MYO3A: variants seen among roughly 807,000 people sequenced by gnomAD.
MYO3A encodes the protein myosin IIIA.
MYO3A carries 180 observed loss-of-function variants against 192.7 expected under a neutral mutation model. That is an observed-to-expected ratio of 0.93 (90% CI 0.83 to 1.06). The LOEUF is 1.06. Ranked by LOEUF, MYO3A falls within the 50% of genes least tolerant of loss-of-function variation. The probability of loss-of-function intolerance (pLI) is 0.00; values close to 1 mark genes in which losing one functional copy is unlikely to be tolerated. For synonymous variants in MYO3A, 628 were observed against 645.3 expected (o/e 0.97, Z 0.41); for missense variants, 1,896 against 1,905.0 (o/e 1.00, Z 0.09).
intron 31 of MYO3A, among the ~76,000 whole-genome samples, chr10:26,178,690 C>G (rs968294824): frequency 1.3e-5 from 2 of 152,154 alleles, no homozygotes; most frequent in Non-Finnish European, 2.9e-5. Context: ...CATCTGTTTT[C>G]AAAAGGGAAC....
intron 10 of MYO3A, among the ~76,000 whole-genome samples, chr10:26,049,826 C>T (rs930737448): frequency 4.0e-5 from 6 of 151,802 alleles, no homozygotes; most frequent in Admixed American, 2.6e-4. Context: ...CAGGCACCCA[C>T]CACCGCGCTC....
intron 23 of MYO3A, among the ~76,000 whole-genome samples, chr10:26,148,207 C>T (rs1239494536): frequency 2.0e-5 from 3 of 152,056 alleles, no homozygotes; most frequent in Admixed American, 2.0e-4. Context: ...TTCTCATGAC[C>T]CTTTATAATC....
At chr10:26,042,357 T>C (rs973497393) in intron 10 of MYO3A, among the ~76,000 whole-genome samples, 1 of 152,164 alleles carries the variant, frequency 6.6e-6, no homozygotes, top group Non-Finnish European at 1.5e-5. Context: ...GACATTGATA[T>C]CTTTTTCTAG....
intron 31 of MYO3A, among the ~76,000 whole-genome samples, chr10:26,192,175 T>A (rs1314768296): frequency 6.6e-6 from 1 of 152,188 alleles, no homozygotes; most frequent in African/African-American, 2.4e-5. Context: ...AGTGTACAGA[T>A]CACCAGAGGC....
chr10:26,098,535 A>G (rs148057551), intron 17 of MYO3A, among the ~76,000 whole-genome samples: 52 of 152,294 alleles, frequency 3.4e-4, no homozygotes, highest in African/African-American at 1.0e-3. Flanking sequence ...AAGAGTTTTT[A>G]TGGGTTTAGG....
At chr10:26,120,407 T>G (rs1838784047) in intron 17 of MYO3A, among the ~76,000 whole-genome samples, 1 of 152,238 alleles carries the variant, frequency 6.6e-6, no homozygotes, top group Non-Finnish European at 1.5e-5. Context: ...TGAGAACAGC[T>G]TCTCATTTTT....
intron 14 of MYO3A, among the ~76,000 whole-genome samples, chr10:26,085,518 T>C (rs1486785946): frequency 6.6e-6 from 1 of 152,208 alleles, no homozygotes; most frequent in East Asian, 1.9e-4. Context: ...GACCAATTGG[T>C]TGTTCAGGAG....
Position 26,081,133 on chromosome 10 carries a change from T to TCCCCCCCCCCCCCCCCCCC in MYO3A, c.1360-7058_1360-7057insCCCCCCCCCCCCCCCCCCC, listed in dbSNP as rs60099269. Reference sequence around the variant, plus strand: ...TAGAATTCCCAAGATTATATGCCCTTCCCCCCCCCCCCGCCCCCGCTACCA... The same window carrying TCCCCCCCCCCCCCCCCCCC: ...TAGAATTCCCAAGATTATATGCCCTTCCCCCCCCCCCCCCCCCCCCCCCCCCCCCCCGCCCCCGCTACCA... On this transcript the variant is annotated intron_variant, in intron 14 of 34. Coordinates refer to ENST00000642920, the MANE Select transcript of MYO3A (RefSeq NM_017433.5). Among the ~76,000 whole-genome samples the TCCCCCCCCCCCCCCCCCCC allele has an allele frequency of 1.2e-4, 10 of 84,980 alleles. 2 individuals carry two copies. The highest frequency in any genetic ancestry group is 5.5e-4 in the South Asian group (1 of 1,824). The allele number at this position is 84,980 out of a possible 152,430, so 55.8% of individuals were successfully genotyped here.
chr10:25,997,337 T>G, intron 6 of MYO3A, 79 bp downstream of exon 6: 384 of 961,504 alleles, frequency 4.0e-4, no homozygotes, highest in Non-Finnish European at 6.0e-4. Flanking sequence ...TCGAATGGCC[T>G]TCCTTTCTAG....
At chr10:26,119,188 A>G (rs1312220279) in intron 17 of MYO3A, among the ~76,000 whole-genome samples, 1 of 152,128 alleles carries the variant, frequency 6.6e-6, no homozygotes, top group East Asian at 1.9e-4. Flanking sequence ...TAACTGAAAA[A>G]GCCTGCCCAT....
intron 10 of MYO3A, among the ~76,000 whole-genome samples, chr10:26,056,869 A>G (rs1462697904): frequency 6.6e-6 from 1 of 152,016 alleles, no homozygotes; most frequent in Non-Finnish European, 1.5e-5. Context: ...ATTTCTCAAA[A>G]CTCCATTTTT....
At chr10:26,100,886 GA>G (rs1837401301) in intron 17 of MYO3A, among the ~76,000 whole-genome samples, 4 of 152,280 alleles carry the variant, frequency 2.6e-5, no homozygotes. Context: ...ATTTGGGGTG[GA>G]GAGTTCTGTA....
At chr10:26,140,603 C>T (rs1349775570) in intron 20 of MYO3A, among the ~76,000 whole-genome samples, 1 of 151,134 alleles carries the variant, frequency 6.6e-6, no homozygotes, top group Non-Finnish European at 1.5e-5. Context: ...TAGAATTACT[C>T]GAACCCGGGA....
intron 4 of MYO3A, among the ~76,000 whole-genome samples, chr10:25,989,633 T>C (rs917566040): frequency 3.9e-5 from 6 of 152,186 alleles, no homozygotes; most frequent in African/African-American, 1.4e-4. Context: ...TGATTAGAAA[T>C]GTGCCTGGCA....
chr10:26,187,804 C>T (rs1212374455), intron 31 of MYO3A, among the ~76,000 whole-genome samples: 1 of 152,006 alleles, frequency 6.6e-6, no homozygotes, highest in African/African-American at 2.4e-5. Flanking sequence ...ATCCATGTCC[C>T]TACAAAGGAT....
chr10:25,988,284 C>A lies in MYO3A; in HGVS notation c.304-8206C>A, dbSNP rs561142989. ...GTGTACACAGCTCGGGTGATGGGTG[C>A]ACCAAAATCTCAGAAATCACCACTA... On this transcript the variant is annotated intron_variant, in intron 4 of 34. Coordinates refer to ENST00000642920, the MANE Select transcript of MYO3A (RefSeq NM_017433.5). Among the ~76,000 whole-genome samples the A allele has an allele frequency of 2.1e-3, 314 of 152,116 alleles. 4 individuals are homozygous for A. Among genetic ancestry groups the A allele is most frequent in the Non-Finnish European group, 3.7e-3 (255 of 68,002 alleles).
chr10:26,053,760 G>A (rs72795838), intron 10 of MYO3A, among the ~76,000 whole-genome samples: 24,585 of 151,894 alleles, frequency 0.16, 2,283 homozygotes, highest in Non-Finnish European at 0.21. Flanking sequence ...GGGAGGTGAC[G>A]TTTGCAGTGA....
chr10:26,034,460 C>A (rs761041576), intron 10 of MYO3A, among the ~76,000 whole-genome samples: 1 of 152,112 alleles, frequency 6.6e-6, no homozygotes, highest in Non-Finnish European at 1.5e-5. Flanking sequence ...CAGTGTAAGT[C>A]GATTCTAATG....
intron 24 of MYO3A, among the ~76,000 whole-genome samples, chr10:26,154,506 A>T (rs558853719): frequency 2.6e-4 from 40 of 152,158 alleles, no homozygotes; most frequent in Non-Finnish European, 7.4e-5. Flanking sequence ...TAAATGTTAC[A>T]CTAAGACCAA....
Sources: allele counts gnomAD v4.1 joint callset (sites outside exome capture counted in the v4.1 genomes callset), GRCh38; gene constraint gnomAD v4.1.1; transcripts MANE v1.5; gene names NCBI Gene and HGNC (gene_info 2026-07-23, HGNC 2026-07-21).